NCKAP5: variants seen among roughly 807,000 people sequenced by gnomAD.
NCKAP5 encodes nck-associated protein 5.
Under a neutral mutation model 167.0 loss-of-function variants are expected in NCKAP5, and 92 were observed. That is an observed-to-expected ratio of 0.55 (90% confidence interval 0.47 to 0.66). The LOEUF (loss-of-function observed/expected upper bound fraction) is 0.66. NCKAP5 is among the 30% of genes least tolerant of loss of function. The pLI is 0.00. For missense variants in NCKAP5, 2,378 were observed against 2,315.0 expected (o/e 1.03, Z -0.56); for synonymous variants, 891 against 877.4 (o/e 1.02, Z -0.27).
intron 9 of NCKAP5, 66 bp downstream of exon 9, chr2:132,878,782 T>G: frequency 9.2e-5 from 108 of 1,173,494 alleles, no homozygotes; most frequent in Non-Finnish European, 1.3e-4. Context: ...ACACACATTT[T>G]GAGATCAGAT....
At chr2:132,702,885 A>C (rs967634069) in intron 19 of NCKAP5, among the ~76,000 whole-genome samples, 3 of 152,202 alleles carry the variant, frequency 2.0e-5, no homozygotes, top group Non-Finnish European at 4.4e-5. Context: ...TGAGGATTAA[A>C]AAGTATTTAT....
chr2:132,696,656 A>G (rs1573906644), intron 19 of NCKAP5, among the ~76,000 whole-genome samples: 2 of 152,226 alleles, frequency 1.3e-5, no homozygotes, highest in African/African-American at 2.4e-5. Context: ...TAATCATCGT[A>G]CATGATTCAC....
intron 6 of NCKAP5, among the ~76,000 whole-genome samples, chr2:133,060,704 C>T (rs149037438): frequency 6.6e-6 from 1 of 152,280 alleles, no homozygotes; most frequent in East Asian, 1.9e-4. Context: ...AATGTACACA[C>T]ACGAGTAAAG....
At chr2:132,948,701 T>C (rs997110871) in intron 8 of NCKAP5, among the ~76,000 whole-genome samples, 4 of 152,136 alleles carry the variant, frequency 2.6e-5, no homozygotes, top group African/African-American at 4.8e-5. Flanking sequence ...GAAGGAAATC[T>C]TGGCCAATGG....
At chr2:132,994,852 A>G (rs1234439010) in intron 6 of NCKAP5, among the ~76,000 whole-genome samples, 1 of 152,240 alleles carries the variant, frequency 6.6e-6, no homozygotes, top group African/African-American at 2.4e-5. Context: ...ACTAGGCTAT[A>G]TTGTATTACC....
At chr2:133,302,800 AAAATAAATAAAT>A (rs995844335) in intron 4 of NCKAP5, among the ~76,000 whole-genome samples, 125 of 151,184 alleles carry the variant, frequency 8.3e-4, no homozygotes, top group Non-Finnish European at 1.5e-3. Context: ...AAAAATAAAA[AAAATAAATAAAT>A]AAATAAATAA....
intron 5 of NCKAP5, among the ~76,000 whole-genome samples, chr2:133,138,865 C>T: frequency 6.6e-6 from 1 of 152,200 alleles, no homozygotes; most frequent in East Asian, 1.9e-4. Context: ...TAGACACAGC[C>T]TGCTTGACTG....
At chr2:132,936,315 C>T (rs1696848034) in intron 8 of NCKAP5, among the ~76,000 whole-genome samples, 1 of 152,134 alleles carries the variant, frequency 6.6e-6, no homozygotes, top group Non-Finnish European at 1.5e-5. Flanking sequence ...TTTAAAAAGT[C>T]ATAGAAACAA....
the NCKAP5 span, among the ~76,000 whole-genome samples, chr2:133,608,083 T>A: frequency 6.6e-6 from 1 of 152,260 alleles, no homozygotes; most frequent in African/African-American, 2.4e-5. Flanking sequence ...CTGATTTTAA[T>A]ATTTCATCTA....
chr2:133,164,584 T>C (rs2083926590), intron 5 of NCKAP5, among the ~76,000 whole-genome samples: 2 of 152,228 alleles, frequency 1.3e-5, no homozygotes, highest in African/African-American at 4.8e-5. Flanking sequence ...TAAAGATTGT[T>C]TGATGAGAAC....
intron 16 of NCKAP5, among the ~76,000 whole-genome samples, chr2:132,768,939 C>CCTT (rs1681775204): frequency 8.6e-6 from 1 of 116,304 alleles, no homozygotes; most frequent in African/African-American, 3.5e-5. Context: ...ACACCTGGCC[C>CCTT]TTTTTTTTTT....
intron 2 of NCKAP5, among the ~76,000 whole-genome samples, chr2:133,524,671 A>T (rs1430512168): frequency 6.6e-6 from 1 of 152,120 alleles, no homozygotes; most frequent in East Asian, 1.9e-4. Flanking sequence ...GTGCTACCAA[A>T]TAGAATGTTT....
chr2:132,884,622 A>G (rs1692066959), intron 8 of NCKAP5, among the ~76,000 whole-genome samples: 1 of 152,212 alleles, frequency 6.6e-6, no homozygotes, highest in African/African-American at 2.4e-5. Context: ...ACGGAGGAAA[A>G]TGCTAGAATT....
chr2:132,869,207 A>G (rs1379566467), intron 9 of NCKAP5, among the ~76,000 whole-genome samples: 1 of 152,186 alleles, frequency 6.6e-6, no homozygotes, highest in Non-Finnish European at 1.5e-5. Flanking sequence ...CACTTAAAAG[A>G]TCATTCATAC....
At chr2:133,027,331 T>C (rs1053587938) in intron 6 of NCKAP5, among the ~76,000 whole-genome samples, 3 of 152,224 alleles carry the variant, frequency 2.0e-5, no homozygotes, top group African/African-American at 4.8e-5. Flanking sequence ...GATTATAGAT[T>C]ATATGTCACT....
chr2:132,947,317 T>A (rs1052611900), intron 8 of NCKAP5, among the ~76,000 whole-genome samples: 10 of 152,224 alleles, frequency 6.6e-5, no homozygotes, highest in Admixed American at 2.0e-4. Flanking sequence ...CTTTGAATAG[T>A]ATAGCTGATT....
At chr2:133,030,408 T>C (rs2078842198) in intron 6 of NCKAP5, among the ~76,000 whole-genome samples, 1 of 152,156 alleles carries the variant, frequency 6.6e-6, no homozygotes, top group Non-Finnish European at 1.5e-5. Flanking sequence ...CTGGGCACCA[T>C]GGTGAGCCTG....
At chr2:133,278,300 G>A (rs185699106) in intron 4 of NCKAP5, among the ~76,000 whole-genome samples, 47 of 152,262 alleles carry the variant, frequency 3.1e-4, no homozygotes, top group Non-Finnish European at 4.4e-4. Flanking sequence ...ATGTCAAGAG[G>A]ACTGCATTTT....
intron 8 of NCKAP5, among the ~76,000 whole-genome samples, chr2:132,891,747 C>T (rs1447525789): frequency 6.6e-6 from 1 of 152,174 alleles, no homozygotes; most frequent in Admixed American, 6.5e-5. Context: ...AATTTCCTTG[C>T]CCAGGGGGAT....
Sources: allele counts gnomAD v4.1 joint callset (sites outside exome capture counted in the v4.1 genomes callset), GRCh38; gene constraint gnomAD v4.1.1; transcripts MANE v1.5; gene names NCBI Gene and HGNC (gene_info 2026-07-23, HGNC 2026-07-21).